Variants in ANGPTL1 observed in about 807,000 individuals in gnomAD.
The protein encoded by ANGPTL1 is angiopoietin like 1.
ANGPTL1 carries 36 observed loss-of-function variants against 46.7 expected under a neutral mutation model. The ratio of observed to expected loss-of-function variants is 0.77; its 90% CI spans 0.59 to 1.02. The LOEUF is 1.02. ANGPTL1 is among the 50% of genes least tolerant of loss of function. The pLI is 0.00. For missense variants in ANGPTL1, 571 were observed against 594.7 expected, an observed-to-expected ratio of 0.96 and a Z score of 0.41; for synonymous variants, 221 against 204.3, an observed-to-expected ratio of 1.08 and a Z score of -0.69.
At position 178,865,565 on chromosome 1, in the gene ANGPTL1, T is replaced by C. The variant is rs1416205191; in HGVS notation, c.212A>G (p.Gln71Arg). The stretch of plus-strand genomic sequence containing the variant: ...CATGTCTTTAATGGTACTTGCATCT[T>C]GCCCCTTGGTGTTGACACAGATTGG... ...TGPICVNTKGQDASTIKDMIT... is the reference protein window; with the variant it reads ...TGPICVNTKGRDASTIKDMIT... Residue 71 changes from glutamine (Q) to arginine (R), a missense_variant, in exon 3 of 6, where the codon CAA becomes CGA. Coordinates refer to ENST00000234816, the MANE Select transcript of ANGPTL1 (RefSeq NM_004673.4). 4 of 1,614,026 alleles carry C rather than the reference T, an allele frequency of 2.5e-6. No individual in the cohort carries two copies. Among genetic ancestry groups the C allele is most frequent in the Admixed American group, 3.3e-5 (2 of 59,988 alleles).
At chr1:178,861,819 CT>C (rs1489014609) in intron 3 of ANGPTL1, among the ~76,000 whole-genome samples, 1 of 152,050 alleles carries the variant, frequency 6.6e-6, no homozygotes, top group Non-Finnish European at 1.5e-5. Flanking sequence ...CAGTGGGTCA[CT>C]TTATACACTG....
intron 2 of ANGPTL1, among the ~76,000 whole-genome samples, chr1:178,866,075 G>A (rs189405010): frequency 5.3e-5 from 8 of 152,174 alleles, no homozygotes; most frequent in African/African-American, 1.9e-4. Flanking sequence ...AGCAGATTTT[G>A]GTCAGTGTCT....
chr1:178,859,937 T>G (rs966909840), intron 3 of ANGPTL1, among the ~76,000 whole-genome samples: 4 of 151,642 alleles, frequency 2.6e-5, no homozygotes. Flanking sequence ...CAGGATGGTC[T>G]CGATCTCCTG....
chr1:178,870,602 A>T (rs2102350201), intron 1 of ANGPTL1, 139 bp downstream of exon 1: 1 of 152,262 alleles, frequency 6.6e-6, no homozygotes, highest in South Asian at 2.1e-4. Context: ...GCAAGATAAA[A>T]CCTTTTTCAG....
At chr1:178,856,198 G>GATATATATAT (rs1232946834) in intron 3 of ANGPTL1, among the ~76,000 whole-genome samples, 5 of 47,266 alleles carry the variant, frequency 1.1e-4, no homozygotes, top group African/African-American at 2.5e-4. Flanking sequence ...TCCAGAGAGA[G>GATATATATAT]AGAGATATAT....
intron 3 of ANGPTL1, among the ~76,000 whole-genome samples, chr1:178,854,255 A>C (rs1424354902): frequency 6.6e-6 from 1 of 152,156 alleles, no homozygotes; most frequent in Non-Finnish European, 1.5e-5. Flanking sequence ...GATCTACTGG[A>C]TCAGAGGATA....
chr1:178,862,704 G>GA (rs1435189347), intron 3 of ANGPTL1, among the ~76,000 whole-genome samples: 1 of 151,930 alleles, frequency 6.6e-6, no homozygotes, highest in Non-Finnish European at 1.5e-5. Flanking sequence ...ATATTTAGGG[G>GA]AAAATGAGTG....
chr1:178,865,398 T>C lies in ANGPTL1; in HGVS notation c.379A>G (p.Asn127Asp). 1 of 1,614,092 alleles carries C rather than the reference T, an allele frequency of 6.2e-7. No homozygotes were observed. ...ATATAGAGTTGAGTAACACGAGAGT[T>C]CATGTTACGGCTTTCCTTTCTCAGC... ...KLLRKESRNM[N>D]SRVTQLYMQL... Residue 127 changes from asparagine (N) to aspartate (D), a missense_variant, in exon 3 of 6, where the codon AAC becomes GAC. Transcript: ENST00000234816.
Position 178,870,952 on chromosome 1 carries a change from G to A in ANGPTL1, c.-348C>T, listed in dbSNP as rs1418084726. 6.6e-6 allele frequency: 1 copy of A among 152,138 alleles called. No homozygotes were observed. Among genetic ancestry groups the A allele is most frequent in the Non-Finnish European group, 1.5e-5 (1 of 68,032 alleles). The allele number at this position is 152,138 out of a possible 1,614,324, so 9.4% of individuals were successfully genotyped here. On this transcript the variant is annotated 5_prime_UTR_variant, in exon 1 of 6. Coordinates refer to ENST00000234816, the MANE Select transcript of ANGPTL1 (RefSeq NM_004673.4). ...CAAGCCACCTATGTAATTTTAAGTA[G>A]TATAGTGGAAGTTCTGGTCTGTGGG...
intron 3 of ANGPTL1, among the ~76,000 whole-genome samples, chr1:178,860,169 A>G (rs1657900746): frequency 6.6e-6 from 1 of 151,196 alleles, no homozygotes; most frequent in South Asian, 2.1e-4. Context: ...TAAATACGCT[A>G]TTTGTAAAAG....
intron 3 of ANGPTL1, among the ~76,000 whole-genome samples, chr1:178,854,444 A>G (rs538872448): frequency 1.3e-4 from 20 of 152,152 alleles, no homozygotes; most frequent in Non-Finnish European, 2.5e-4. Flanking sequence ...CATATTAAAG[A>G]CTGAAAAGCC....
chr1:178,869,421 A>G (rs1658611219), intron 1 of ANGPTL1, 198 bp from the exon 2 acceptor site: 1 of 152,122 alleles, frequency 6.6e-6, no homozygotes, highest in Non-Finnish European at 1.5e-5. Flanking sequence ...GAACAATCTA[A>G]TCCCCTGGAT....
Position 178,849,913 on chromosome 1 carries a change from T to G in ANGPTL1, c.*1216A>C, listed in dbSNP as rs1405868121. 6.6e-6 allele frequency: 1 copy of G among 152,270 alleles called. No homozygotes were observed. Among genetic ancestry groups the G allele is most frequent in the Non-Finnish European group, 1.5e-5 (1 of 68,044 alleles). 9.4% of individuals were successfully genotyped at this position (152,270 alleles called of 1,614,324 possible). On this transcript the variant is annotated 3_prime_UTR_variant, in exon 6 of 6. Transcript: ENST00000234816. ...AAGTTTCATGAGCTATCTTTAAAAT[T>G]TTAACTTCACAAATATATTAAGGCA...
chr1:178,865,156 T>G lies in ANGPTL1; in HGVS notation c.621A>C (p.Gln207His). Residue 207 changes from glutamine to histidine, a missense_variant, in exon 3 of 6, where the codon CAA (glutamine) becomes CAC (histidine). Physicochemically the swap from Gln to His is conservative, Grantham distance 24. Transcript: ENST00000234816. ...CAAGTGGGGGAGACACATGGGTGTCTTGTCGGGAAAATATCCTCAAGCACT... is the reference window on the plus strand; with the variant it reads ...CAAGTGGGGGAGACACATGGGTGTCGTGTCGGGAAAATATCCTCAAGCACT... ...EEQCLRIFSR[Q>H]DTHVSPPLVQ... The G allele has an allele frequency of 6.2e-7, 1 of 1,605,094 alleles. No individual in the cohort carries two copies. The highest frequency in any genetic ancestry group is 1.1e-5 in the South Asian group (1 of 89,702).
chr1:178,861,373 T>C (rs560239881), intron 3 of ANGPTL1, among the ~76,000 whole-genome samples: 61 of 152,250 alleles, frequency 4.0e-4, no homozygotes, highest in African/African-American at 1.3e-3. Flanking sequence ...CATGTTTTCA[T>C]TAAAACAAAA....
intron 3 of ANGPTL1, among the ~76,000 whole-genome samples, chr1:178,862,341 C>T (rs1419068464): frequency 1.3e-5 from 2 of 152,036 alleles, no homozygotes; most frequent in Non-Finnish European, 2.9e-5. Context: ...AAAAATGTCA[C>T]CAAATCAACT....
intron 2 of ANGPTL1, among the ~76,000 whole-genome samples, chr1:178,867,264 T>C (rs550801856): frequency 4.6e-5 from 7 of 152,228 alleles, no homozygotes; most frequent in African/African-American, 1.4e-4. Context: ...AAGTAGATTA[T>C]TATGATCCCC....
Position 178,865,013 on chromosome 1 carries a change from A to G in ANGPTL1, c.764T>C (p.Leu255Pro). Residue 255 changes from leucine (L) to proline (P), a missense_variant, in exon 3 of 6, where the codon CTG becomes CCG. Coordinates refer to ENST00000234816, the MANE Select transcript of ANGPTL1 (RefSeq NM_004673.4). ...AGGGCTTTTGGTGGGAGAAGTTGCC[A>G]GATCAGGTGGTGGCATTAAATCTCT... ...YPRDLMPPPD[L>P]ATSPTKSPFK... The G allele has an allele frequency of 2.0e-6, 3 of 1,477,266 alleles. No individual in the cohort carries two copies. The highest frequency in any genetic ancestry group is 1.8e-6 in the Non-Finnish European group (2 of 1,114,104). 91.5% of individuals were successfully genotyped at this position (1,477,266 alleles called of 1,614,324 possible). A position where few individuals can be genotyped will look rare whatever the true frequency, so the allele number is the denominator to read the frequency against.
At position 178,852,774 on chromosome 1, in the gene ANGPTL1, C is replaced by T. The variant is rs1363680465; in HGVS notation, c.1197G>A (p.Leu399=). 3.7e-6 allele frequency: 6 copies of T among 1,613,904 alleles called. No homozygotes were observed. Among genetic ancestry groups the T allele is most frequent in the Non-Finnish European group, 5.1e-6 (6 of 1,179,866 alleles). ...CCCCTGCATTTCCCTGGTAAGTTCC[C>T]AGGCGCAGTCTATAGAATTCACTTT... The part of the protein sequence containing the change: ...EPESEFYRLR[L]GTYQGNAGDS... The change falls in exon 5 of 6, where the codon CTG becomes CTA. Residue 399 remains leucine, a synonymous_variant. Transcript: ENST00000234816.
Sources: allele counts gnomAD v4.1 joint callset (sites outside exome capture counted in the v4.1 genomes callset), GRCh38; gene constraint gnomAD v4.1.1; transcripts MANE v1.5; gene names NCBI Gene and HGNC (gene_info 2026-07-23, HGNC 2026-07-21).